The following RFX3 variants were observed in gnomAD, a reference collection of about 807,000 sequenced individuals.
The protein encoded by RFX3 is regulatory factor X3, also known as transcription factor RFX3.
Under a neutral mutation model 98.6 loss-of-function variants are expected in RFX3, and 14 were observed. The ratio of observed to expected loss-of-function variants is 0.14; its 90% CI spans 0.09 to 0.22. RFX3 has a LOEUF of 0.22. Ranked by LOEUF, RFX3 falls within the 10% of genes least tolerant of loss-of-function variation. The pLI, the probability that RFX3 is intolerant of heterozygous loss-of-function variation, is 1.00. For missense variants in RFX3, 639 were observed against 926.9 expected (o/e 0.69, Z 4.03); for synonymous variants, 383 against 328.4 (o/e 1.17, Z -1.80).
chr9:3,330,231 C>G, intron 4 of RFX3, 28 bp downstream of exon 4: 2 of 1,612,214 alleles, frequency 1.2e-6, no homozygotes, highest in South Asian at 1.1e-5. Flanking sequence ...AAAAGCTAAA[C>G]TAAACTACTA....
At chr9:3,230,731 A>G (rs1818344972) in intron 15 of RFX3, among the ~76,000 whole-genome samples, 1 of 152,194 alleles carries the variant, frequency 6.6e-6, no homozygotes. Context: ...TCTTGAAAGG[A>G]GTTGGTAGTG....
Position 3,504,889 on chromosome 9 carries a change from T to C in RFX3, c.-9+20858A>G, listed in dbSNP as rs1382524723. 1.5e-3 allele frequency among the ~76,000 whole-genome samples: 91 copies of C among 62,358 alleles called. 4 individuals are homozygous for C. The highest frequency in any genetic ancestry group is 8.6e-3 in the African/African-American group (84 of 9,760). The allele number at this position is 62,358 out of a possible 152,430, so 40.9% of individuals were successfully genotyped here. A position where few individuals can be genotyped will look rare whatever the true frequency, so the allele number is the denominator to read the frequency against. ...TATATATTATATATATTATATATAA[T>C]ATAACATATATTATATATATATATA... On this transcript the variant is annotated intron_variant, in intron 1 of 16. Coordinates refer to ENST00000617270, the MANE Select transcript of RFX3 (RefSeq NM_001282116.2).
At chr9:3,233,247 G>A (rs1185790264) in intron 15 of RFX3, among the ~76,000 whole-genome samples, 2 of 152,192 alleles carry the variant, frequency 1.3e-5, no homozygotes, top group Non-Finnish European at 2.9e-5. Flanking sequence ...CACAGCCAGG[G>A]CAATGATCGG....
At chr9:3,272,229 T>C (rs1824587214) in intron 9 of RFX3, among the ~76,000 whole-genome samples, 1 of 152,156 alleles carries the variant, frequency 6.6e-6, no homozygotes, top group Non-Finnish European at 1.5e-5. Context: ...GTCAGTATAA[T>C]GTGATTGATG....
chr9:3,366,719 T>C (rs184073812), intron 2 of RFX3, among the ~76,000 whole-genome samples: 5 of 144,452 alleles, frequency 3.5e-5, no homozygotes, highest in African/African-American at 1.0e-4. Context: ...TCTTTCTTTC[T>C]TTCTTTCTTT....
chr9:3,424,455 G>A (rs1251611699), intron 1 of RFX3, among the ~76,000 whole-genome samples: 6 of 133,616 alleles, frequency 4.5e-5, no homozygotes, highest in Non-Finnish European at 7.7e-5. Flanking sequence ...TCCGCCTCCC[G>A]GGTTCACGCC....
At chr9:3,407,265 G>C (rs1013261577) in intron 1 of RFX3, among the ~76,000 whole-genome samples, 2 of 151,922 alleles carry the variant, frequency 1.3e-5, no homozygotes, top group Non-Finnish European at 2.9e-5. Flanking sequence ...ACCAAAAAAA[G>C]GTATTCTAAG....
At chr9:3,369,158 A>G (rs931975834) in intron 2 of RFX3, among the ~76,000 whole-genome samples, 4 of 152,256 alleles carry the variant, frequency 2.6e-5, no homozygotes, top group Non-Finnish European at 5.9e-5. Context: ...TAGTCCGTTC[A>G]GTCTGCTACA....
intron 1 of RFX3, among the ~76,000 whole-genome samples, chr9:3,458,501 T>C (rs1847390919): frequency 6.6e-6 from 1 of 152,194 alleles, no homozygotes; most frequent in African/African-American, 2.4e-5. Context: ...AGAATTTACC[T>C]ATGGAGTAGA....
intron 4 of RFX3, among the ~76,000 whole-genome samples, chr9:3,303,932 CT>C (rs1162953661): frequency 2.0e-4 from 30 of 152,080 alleles, no homozygotes; most frequent in African/African-American, 6.7e-4. Context: ...TTTCTTTTGG[CT>C]TTAGGAATCT....
At chr9:3,420,997 G>C (rs1188314789) in intron 1 of RFX3, 22 of 367,572 alleles carry the variant, frequency 6.0e-5, no homozygotes, top group Admixed American at 7.8e-5. Flanking sequence ...GACTCTCAGA[G>C]ATAAATATTT....
intron 2 of RFX3, among the ~76,000 whole-genome samples, chr9:3,377,633 T>C (rs1838697087): frequency 6.6e-6 from 1 of 152,134 alleles, no homozygotes; most frequent in South Asian, 2.1e-4. Flanking sequence ...TATTGGAAAT[T>C]CAAATAAAAG....
intron 1 of RFX3, among the ~76,000 whole-genome samples, chr9:3,469,559 G>A (rs920542299): frequency 3.9e-5 from 6 of 152,030 alleles, no homozygotes; most frequent in African/African-American, 1.2e-4. Context: ...TGTTTTTACT[G>A]GGTCAATGAT....
intron 12 of RFX3, among the ~76,000 whole-genome samples, chr9:3,265,138 A>G (rs1823453112): frequency 6.6e-6 from 1 of 152,230 alleles, no homozygotes; most frequent in African/African-American, 2.4e-5. Flanking sequence ...ATGCTGCCTA[A>G]CATGGTAGCC....
At position 3,388,188 on chromosome 9, in the gene RFX3, C is replaced by T. The variant is rs577853888; in HGVS notation, c.117+7284G>A. On this transcript the variant is annotated intron_variant, in intron 2 of 16. Transcript: ENST00000617270. ...TGGAAATGACCCAGTATTGAAACTA[C>T]GGTCTAAGAAATGTGAGGATCTAAG... Among the ~76,000 whole-genome samples the T allele has an allele frequency of 7.2e-5, 11 of 152,094 alleles. No homozygotes were observed. The South Asian group carries it at 1.0e-3, about 14-fold the overall frequency.
At chr9:3,421,984 G>C (rs1162720298) in intron 1 of RFX3, among the ~76,000 whole-genome samples, 1 of 146,572 alleles carries the variant, frequency 6.8e-6, no homozygotes, top group Non-Finnish European at 1.5e-5. Context: ...TCATGATAGT[G>C]TTGTAAGTGA....
chr9:3,345,586 T>A (rs1418798189), intron 3 of RFX3, among the ~76,000 whole-genome samples: 1 of 152,168 alleles, frequency 6.6e-6, no homozygotes, highest in Non-Finnish European at 1.5e-5. Flanking sequence ...CTTGTATCCT[T>A]GCAAAAACCC....
At chr9:3,506,202 A>G (rs1817075458) in intron 1 of RFX3, among the ~76,000 whole-genome samples, 1 of 151,114 alleles carries the variant, frequency 6.6e-6, no homozygotes, top group Non-Finnish European at 1.5e-5. Context: ...ATGAAGGACA[A>G]CTGTTTTTTT....
chr9:3,414,488 T>C (rs72699083), intron 1 of RFX3, among the ~76,000 whole-genome samples: 4 of 151,136 alleles, frequency 2.6e-5, no homozygotes, highest in African/African-American at 7.3e-5. Context: ...CTAACATATA[T>C]ATATGTGTAT....
Sources: allele counts gnomAD v4.1 joint callset (sites outside exome capture counted in the v4.1 genomes callset), GRCh38; gene constraint gnomAD v4.1.1; transcripts MANE v1.5; gene names NCBI Gene and HGNC (gene_info 2026-07-23, HGNC 2026-07-21).